Variants in DCTN6 observed in about 807,000 individuals in gnomAD.
The protein encoded by DCTN6 is dynactin subunit 6, also known as dynactin 6.
Under a neutral mutation model 25.8 loss-of-function variants are expected in DCTN6, and 15 were observed. The observed-to-expected ratio is 0.58, with a 90% CI of 0.39 to 0.89. DCTN6 has a LOEUF of 0.89. Among genes scored for constraint, DCTN6 ranks in the 40% least tolerant of loss-of-function variants. DCTN6 has a pLI of 0.00. For missense variants in DCTN6, 198 were observed against 237.6 expected, an observed-to-expected ratio of 0.83 and a Z score of 1.09; for synonymous variants, 64 against 78.3, an observed-to-expected ratio of 0.82 and a Z score of 0.96.
chr8:30,162,791 A>G (rs1356592266), intron 1 of DCTN6, among the ~76,000 whole-genome samples: 2 of 152,198 alleles, frequency 1.3e-5, no homozygotes, highest in Non-Finnish European at 2.9e-5. Flanking sequence ...ATATATGTGT[A>G]TGTATATATA....
chr8:30,170,646 A>AT (rs964228129), intron 2 of DCTN6, among the ~76,000 whole-genome samples: 375 of 146,162 alleles, frequency 2.6e-3, no homozygotes, highest in African/African-American at 2.2e-3. Flanking sequence ...GGTTGTTTTA[A>AT]TTTTTTTTTT....
chr8:30,180,890 A>AG, intron 6 of DCTN6: 1 of 505,498 alleles, frequency 2.0e-6, no homozygotes, highest in Non-Finnish European at 3.5e-6. Context: ...AAACTAAGCC[A>AG]GGTGTGGTGG....
chr8:30,183,575 G>C lies in DCTN6; in HGVS notation c.*402G>C, dbSNP rs1490548759. The C allele has an allele frequency of 1.3e-5, 2 of 152,832 alleles. No homozygotes were observed. Among genetic ancestry groups the C allele is most frequent in the Non-Finnish European group, 2.9e-5 (2 of 68,600 alleles). The allele number at this position is 152,832 out of a possible 1,614,324, so 9.5% of individuals were successfully genotyped here. ...CATACTTTAATCAGTTTTTCTCCTT[G>C]AATTAATCTTTTCTCTTAATTTTTA... On this transcript the variant is annotated 3_prime_UTR_variant, in exon 7 of 7. Transcript: ENST00000221114.
intron 1 of DCTN6, among the ~76,000 whole-genome samples, chr8:30,157,243 C>A (rs1410571814): frequency 1.3e-5 from 2 of 152,186 alleles, no homozygotes; most frequent in Non-Finnish European, 2.9e-5. Context: ...CCAGTTCCAT[C>A]CATGTTGTTG....
At chr8:30,174,060 A>G (rs1248894297) in intron 2 of DCTN6, among the ~76,000 whole-genome samples, 1 of 152,194 alleles carries the variant, frequency 6.6e-6, no homozygotes, top group Non-Finnish European at 1.5e-5. Flanking sequence ...AGTGGGAGTA[A>G]TGAGGGCCCT....
At chr8:30,175,703 A>G (rs3808485) in intron 3 of DCTN6, among the ~76,000 whole-genome samples, 26,511 of 152,124 alleles carry the variant, frequency 0.17, 2,661 homozygotes, top group East Asian at 0.43. Flanking sequence ...TAAAAATAAT[A>G]AAATACTAGA....
At chr8:30,171,951 C>T (rs373788441) in intron 2 of DCTN6, among the ~76,000 whole-genome samples, 39 of 152,116 alleles carry the variant, frequency 2.6e-4, no homozygotes, top group African/African-American at 9.2e-4. Context: ...TGATAGAGTC[C>T]GGTGTCTAGA....
intron 3 of DCTN6, chr8:30,176,533 C>A (rs1279377147): frequency 6.7e-6 from 1 of 150,148 alleles, no homozygotes. Context: ...GACTCCGTCT[C>A]AAAAAAAAAT....
chr8:30,163,943 C>T (rs758716218), intron 1 of DCTN6, among the ~76,000 whole-genome samples, 168 bp from the exon 2 acceptor site: 3 of 151,942 alleles, frequency 2.0e-5, no homozygotes, highest in African/African-American at 7.3e-5. Context: ...CTCAGGTGAT[C>T]CCCCCACCTC....
chr8:30,176,141 G>A (rs1803828755), intron 3 of DCTN6, among the ~76,000 whole-genome samples: 2 of 152,182 alleles, frequency 1.3e-5, no homozygotes, highest in South Asian at 4.1e-4. Flanking sequence ...AAATTTTCAA[G>A]TTAGGCATGA....
chr8:30,173,295 T>A (rs1245059947), intron 2 of DCTN6, among the ~76,000 whole-genome samples: 1 of 152,224 alleles, frequency 6.6e-6, no homozygotes, highest in Non-Finnish European at 1.5e-5. Context: ...TTTATTTTAG[T>A]ACATTTGTGA....
At chr8:30,180,458 G>A (rs776979279) in intron 5 of DCTN6, 30 bp from the exon 6 acceptor site, 4 of 1,600,290 alleles carry the variant, frequency 2.5e-6, no homozygotes, top group Middle Eastern at 1.7e-4. Context: ...GATGTCTTAA[G>A]TTGCAGTTCT....
chr8:30,170,160 G>A (rs955758314), intron 2 of DCTN6, among the ~76,000 whole-genome samples: 26 of 150,214 alleles, frequency 1.7e-4, no homozygotes, highest in African/African-American at 4.9e-5. Context: ...ACGACAGAGC[G>A]AGACTCTGTA....
At position 30,183,271 on chromosome 8, in the gene DCTN6, A is replaced by C; in HGVS notation, c.*98A>C. 2 of 879,956 alleles carry C rather than the reference A, an allele frequency of 2.3e-6. No individual in the cohort carries two copies. The highest frequency in any genetic ancestry group is 3.4e-6 in the Non-Finnish European group (2 of 582,832). 54.5% of individuals were successfully genotyped at this position (879,956 alleles called of 1,614,324 possible). ...TACTCTTAACAACTCACAGAATAAT[A>C]CATGTTCACTTTATTTTGTAAAATT... On this transcript the variant is annotated 3_prime_UTR_variant, in exon 7 of 7. Transcript: ENST00000221114.
chr8:30,156,816 T>G (rs917453426), intron 1 of DCTN6, among the ~76,000 whole-genome samples: 1 of 152,178 alleles, frequency 6.6e-6, no homozygotes, highest in Non-Finnish European at 1.5e-5. Context: ...CTGCTGCATG[T>G]TGCGAGACCC....
At chr8:30,175,263 A>G in intron 3 of DCTN6, 73 bp downstream of exon 3, 1 of 1,340,548 alleles carries the variant, frequency 7.5e-7, no homozygotes, top group Non-Finnish European at 1.0e-6. Flanking sequence ...TGTCTGTAAG[A>G]ACCTTTTCAG....
chr8:30,166,989 G>C (rs1326934668), intron 2 of DCTN6, among the ~76,000 whole-genome samples: 2 of 150,184 alleles, frequency 1.3e-5, no homozygotes, highest in Non-Finnish European at 3.0e-5. Flanking sequence ...AGGAAGGGAG[G>C]AAGGAAAGGA....
At chr8:30,156,519 G>C in intron 1 of DCTN6, 113 bp downstream of exon 1, 1 of 1,267,744 alleles carries the variant, frequency 7.9e-7, no homozygotes, top group East Asian at 2.5e-5. Flanking sequence ...CATTCGGGCC[G>C]AAGGTACCTG....
rs1244491590 is a variant in DCTN6 at position 30,163,095 on chromosome 8, C to T, written c.24-1016C>T. On this transcript the variant is annotated intron_variant, in intron 1 of 6. Coordinates refer to ENST00000221114, the MANE Select transcript of DCTN6 (RefSeq NM_006571.4). ...GGTGGATCACCTGAGGTCGGGAGTT[C>T]GAGACCAGCCTCACCAACCTGAAAA... Among the ~76,000 whole-genome samples the T allele has an allele frequency of 3.3e-5, 5 of 151,784 alleles. No homozygotes were observed. The South Asian group carries it at 6.2e-4, about 19-fold the overall frequency.
Sources: allele counts gnomAD v4.1 joint callset (sites outside exome capture counted in the v4.1 genomes callset), GRCh38; gene constraint gnomAD v4.1.1; transcripts MANE v1.5; gene names NCBI Gene and HGNC (gene_info 2026-07-23, HGNC 2026-07-21).